Variants in ARL8B observed in about 807,000 individuals in gnomAD.
The protein encoded by ARL8B is ADP-ribosylation factor-like protein 8B.
Under a neutral mutation model 30.6 loss-of-function variants are expected in ARL8B, and 9 were observed. That is an observed-to-expected ratio of 0.29 (90% CI 0.18 to 0.51). The LOEUF is 0.51. ARL8B is among the 20% of genes least tolerant of loss of function. The pLI, the probability that ARL8B is intolerant of heterozygous loss-of-function variation, is 0.97. For synonymous variants in ARL8B, 74 were observed against 76.0 expected, an observed-to-expected ratio of 0.97 and a Z score of 0.14; for missense variants, 130 against 227.2, an observed-to-expected ratio of 0.57 and a Z score of 2.75.
chr3:5,164,307 C>T (rs1022425886), intron 1 of ARL8B, among the ~76,000 whole-genome samples: 9 of 152,240 alleles, frequency 5.9e-5, no homozygotes, highest in South Asian at 4.2e-4. Context: ...ATTATTATTA[C>T]TGTAGTAGGT....
chr3:5,131,451 C>G (rs915945797), intron 1 of ARL8B, among the ~76,000 whole-genome samples: 1 of 151,320 alleles, frequency 6.6e-6, no homozygotes, highest in Non-Finnish European at 1.5e-5. Flanking sequence ...AGTGCAGTGG[C>G]GCGATCTCGG....
chr3:5,140,750 AT>A (rs1454228909), intron 1 of ARL8B, among the ~76,000 whole-genome samples: 1 of 152,130 alleles, frequency 6.6e-6, no homozygotes, highest in Non-Finnish European at 1.5e-5. Context: ...GGCTATAATA[AT>A]TGTTCCTGGG....
At chr3:5,163,599 T>C (rs1270565044) in intron 1 of ARL8B, among the ~76,000 whole-genome samples, 2 of 152,210 alleles carry the variant, frequency 1.3e-5, no homozygotes, top group African/African-American at 4.8e-5. Flanking sequence ...CTGGGTGCCA[T>C]GGCTCATGCC....
At chr3:5,142,813 A>G (rs1194972065) in intron 1 of ARL8B, among the ~76,000 whole-genome samples, 2 of 152,216 alleles carry the variant, frequency 1.3e-5, no homozygotes, top group Non-Finnish European at 2.9e-5. Context: ...CCTCACGTAT[A>G]TACCTGAGAC....
chr3:5,135,614 A>G (rs2054317761), intron 1 of ARL8B, among the ~76,000 whole-genome samples: 1 of 148,632 alleles, frequency 6.7e-6, no homozygotes, highest in African/African-American at 2.5e-5. Context: ...GCACGCCACC[A>G]TGCTCAGCTA....
At chr3:5,152,674 T>C (rs1005633868) in intron 1 of ARL8B, among the ~76,000 whole-genome samples, 2 of 152,194 alleles carry the variant, frequency 1.3e-5, no homozygotes, top group Admixed American at 1.3e-4. Flanking sequence ...TTTGTAGAGA[T>C]AGAGTCTTGC....
At chr3:5,175,096 A>C (rs1392536097) in intron 6 of ARL8B, among the ~76,000 whole-genome samples, 1 of 152,072 alleles carries the variant, frequency 6.6e-6, no homozygotes, top group African/African-American at 2.4e-5. Context: ...CCCGGCCTAT[A>C]TGTTATCAAA....
At chr3:5,177,583 G>A (rs1269942325) in intron 6 of ARL8B, among the ~76,000 whole-genome samples, 1 of 151,676 alleles carries the variant, frequency 6.6e-6, no homozygotes, top group Non-Finnish European at 1.5e-5. Flanking sequence ...AGCCTCCCGA[G>A]TAGCTGGGAT....
chr3:5,131,768 T>C (rs1165771355), intron 1 of ARL8B, among the ~76,000 whole-genome samples: 1 of 152,268 alleles, frequency 6.6e-6, no homozygotes, highest in African/African-American at 2.4e-5. Context: ...TTACTGCCAT[T>C]ATTTTCTACT....
chr3:5,150,071 T>G (rs11707685), intron 1 of ARL8B, among the ~76,000 whole-genome samples: 62,723 of 152,042 alleles, frequency 0.41, 14,274 homozygotes, highest in African/African-American at 0.63. Context: ...CTACTTTTTG[T>G]TATGAGGGTA....
At chr3:5,144,852 C>A (rs2054404548) in intron 1 of ARL8B, among the ~76,000 whole-genome samples, 1 of 152,178 alleles carries the variant, frequency 6.6e-6, no homozygotes, top group Admixed American at 6.5e-5. Flanking sequence ...TGTACCAATT[C>A]TTTTCCCCTG....
At chr3:5,125,022 G>T (rs1485578060) in intron 1 of ARL8B, among the ~76,000 whole-genome samples, 1 of 152,186 alleles carries the variant, frequency 6.6e-6, no homozygotes, top group Admixed American at 6.5e-5. Flanking sequence ...TGATTTTTAT[G>T]CTTCTGTTTT....
intron 1 of ARL8B, among the ~76,000 whole-genome samples, chr3:5,123,305 A>G (rs1005029499): frequency 6.6e-6 from 1 of 152,234 alleles, no homozygotes; most frequent in Non-Finnish European, 1.5e-5. Flanking sequence ...TGGTCTTTAA[A>G]TGGTGTTTTT....
rs2054646497 is a variant in ARL8B at position 5,168,944 on chromosome 3, A to G, written c.124-1559A>G. ...CTCTCCTCAGAGATTAAAGCCTATCACAATAAATATAATTACAATGAAAAT... is the reference window on the plus strand; with the variant it reads ...CTCTCCTCAGAGATTAAAGCCTATCGCAATAAATATAATTACAATGAAAAT... On this transcript the variant is annotated intron_variant, in intron 1 of 6. Transcript: ENST00000256496. 2.0e-5 allele frequency among the ~76,000 whole-genome samples: 3 copies of G among 152,372 alleles called. No individual in the cohort carries two copies. In the South Asian group the frequency reaches 6.2e-4, roughly 32 times the overall value.
At chr3:5,135,774 TTATTATTATTA>T (rs2054319909) in intron 1 of ARL8B, among the ~76,000 whole-genome samples, 1 of 79,012 alleles carries the variant, frequency 1.3e-5, no homozygotes, top group Non-Finnish European at 2.6e-5. Context: ...ATTATTATTA[TTATTATTATTA>T]TTATTATTAT....
In ARL8B at chr3:5,176,129, T is replaced by C. The variant is rs145762505; in HGVS notation, c.511+1715T>C. Among the ~76,000 whole-genome samples the C allele has an allele frequency of 8.5e-5, 13 of 152,344 alleles. No homozygotes were observed. The East Asian group carries it at 2.3e-3, about 27-fold the overall frequency. Reference sequence around the variant, plus strand: ...CAAAATGTAATAAATAGTACCAGAATAGTATATCTATAAAGTTTATGCTGA... The same window carrying C: ...CAAAATGTAATAAATAGTACCAGAACAGTATATCTATAAAGTTTATGCTGA... On this transcript the variant is annotated intron_variant, in intron 6 of 6. Coordinates refer to ENST00000256496, the MANE Select transcript of ARL8B (RefSeq NM_018184.3).
At chr3:5,144,647 A>G (rs781700533) in intron 1 of ARL8B, among the ~76,000 whole-genome samples, 5 of 152,130 alleles carry the variant, frequency 3.3e-5, no homozygotes, top group African/African-American at 7.2e-5. Flanking sequence ...GGGCCTTAAT[A>G]CTACCTTAGG....
chr3:5,177,700 C>A (rs2054742650), intron 6 of ARL8B, among the ~76,000 whole-genome samples: 1 of 152,180 alleles, frequency 6.6e-6, no homozygotes, highest in Non-Finnish European at 1.5e-5. Flanking sequence ...AGGTGATCAC[C>A]TGCCTCGGCC....
intron 1 of ARL8B, among the ~76,000 whole-genome samples, chr3:5,127,957 A>G (rs1455736660): frequency 1.3e-4 from 20 of 150,676 alleles, no homozygotes; most frequent in Admixed American, 1.2e-3. Context: ...TGGGAGGCCA[A>G]GGCGGCCGGA....
Sources: allele counts gnomAD v4.1 joint callset (sites outside exome capture counted in the v4.1 genomes callset), GRCh38; gene constraint gnomAD v4.1.1; transcripts MANE v1.5; gene names NCBI Gene and HGNC (gene_info 2026-07-23, HGNC 2026-07-21).